The following DRC11 variants were observed in gnomAD, a reference collection of about 807,000 sequenced individuals.
The protein encoded by DRC11 is dynein regulatory complex subunit 11.
chr2:236,406,325 A>T, the DRC11 span, among the ~76,000 whole-genome samples: 1 of 152,196 alleles, frequency 6.6e-6, no homozygotes, highest in Admixed American at 6.5e-5. This position sits in a 1 kb window ranked among gnomAD's most constrained non-coding sequence, Gnocchi z 4.7. Flanking sequence ...ATTCAAATGC[A>T]TGGAGGTTTT....
At chr2:236,483,896 A>G in the DRC11 span, among the ~76,000 whole-genome samples, 22 of 152,344 alleles carry the variant, frequency 1.4e-4, no homozygotes, top group Middle Eastern at 3.4e-3. This position sits in a 1 kb window ranked among gnomAD's most constrained non-coding sequence, Gnocchi z 4.8. Flanking sequence ...AGAAAACTGA[A>G]TATTTATACA....
the DRC11 span, among the ~76,000 whole-genome samples, chr2:236,339,041 T>A: frequency 6.6e-6 from 1 of 152,102 alleles, no homozygotes; most frequent in Non-Finnish European, 1.5e-5. Flanking sequence ...TCGCCCCCAG[T>A]GCAGACAGCA....
the DRC11 span, among the ~76,000 whole-genome samples, chr2:236,321,753 G>A: frequency 6.6e-6 from 1 of 152,160 alleles, no homozygotes; most frequent in Non-Finnish European, 1.5e-5. Context: ...TCCCTTTCTA[G>A]CCTCATGCAT....
chr2:236,325,935 C>T, the DRC11 span, among the ~76,000 whole-genome samples: 6 of 152,322 alleles, frequency 3.9e-5, 1 homozygote, highest in Admixed American at 2.0e-4. The surrounding 1 kb of genome is among the most constrained non-coding windows in gnomAD (Gnocchi z 4.4). Flanking sequence ...TTTCTCCTGT[C>T]TCTTGTATGC....
chr2:236,491,202 A>ATACAG, the DRC11 span, among the ~76,000 whole-genome samples: 9 of 59,718 alleles, frequency 1.5e-4, no homozygotes, highest in African/African-American at 7.7e-5. Flanking sequence ...ATATATATAT[A>ATACAG]TATATATATA....
the DRC11 span, among the ~76,000 whole-genome samples, chr2:236,437,294 G>A: frequency 7.3e-6 from 1 of 137,010 alleles, no homozygotes; most frequent in African/African-American, 2.8e-5. Context: ...TGGCTGCATA[G>A]TATTCCATGG....
the DRC11 span, chr2:236,441,116 G>T: frequency 6.4e-7 from 1 of 1,556,044 alleles, no homozygotes; most frequent in Non-Finnish European, 8.7e-7. Context: ...AAATGTCCCG[G>T]TTAAATTTCT....
At chr2:236,441,912 A>G in the DRC11 span, among the ~76,000 whole-genome samples, 20 of 152,146 alleles carry the variant, frequency 1.3e-4, no homozygotes, top group Non-Finnish European at 2.8e-4. Flanking sequence ...TTGCTAGATG[A>G]CTTACAGCTA....
chr2:236,322,062 A>G, the DRC11 span, among the ~76,000 whole-genome samples: 50 of 152,274 alleles, frequency 3.3e-4, 2 homozygotes, highest in South Asian at 0.01. Context: ...AAAAAGACAC[A>G]GAAACATTCC....
chr2:236,318,776 A>T, the DRC11 span, among the ~76,000 whole-genome samples: 1 of 152,154 alleles, frequency 6.6e-6, no homozygotes, highest in East Asian at 1.9e-4. The surrounding 1 kb of genome is among the most constrained non-coding windows in gnomAD (Gnocchi z 7.0). Flanking sequence ...GTGCCGCCAG[A>T]TTGACCCAAG....
the DRC11 span, chr2:236,497,048 A>G: frequency 1.2e-6 from 1 of 829,460 alleles, no homozygotes; most frequent in Non-Finnish European, 1.9e-6. The surrounding 1 kb of genome is among the most constrained non-coding windows in gnomAD (Gnocchi z 5.1). Context: ...GATTTTCCGT[A>G]CACCAACTAG....
At chr2:236,387,521 C>A in the DRC11 span, among the ~76,000 whole-genome samples, 1 of 151,942 alleles carries the variant, frequency 6.6e-6, no homozygotes, top group Admixed American at 6.6e-5. Context: ...CTTGGTAGAT[C>A]TTCCTCCATC....
chr2:236,462,197 C>T, the DRC11 span, among the ~76,000 whole-genome samples: 1 of 152,082 alleles, frequency 6.6e-6, no homozygotes, highest in Non-Finnish European at 1.5e-5. This position sits in a 1 kb window ranked among gnomAD's most constrained non-coding sequence, Gnocchi z 6.4. Context: ...GAGACCTGGG[C>T]CTGGTACCAC....
the DRC11 span, among the ~76,000 whole-genome samples, chr2:236,495,936 C>T: frequency 6.6e-6 from 1 of 152,130 alleles, no homozygotes. This position sits in a 1 kb window ranked among gnomAD's most constrained non-coding sequence, Gnocchi z 5.6. Context: ...AGCAGAGGGG[C>T]CTGGCTGATG....
chr2:236,495,952 G>GCC, the DRC11 span, among the ~76,000 whole-genome samples: 1 of 152,158 alleles, frequency 6.6e-6, no homozygotes, highest in African/African-American at 2.4e-5. The surrounding 1 kb of genome is among the most constrained non-coding windows in gnomAD (Gnocchi z 5.6). Context: ...TGATGCAGCA[G>GCC]GAAAGGCAAG....
At chr2:236,482,452 G>A in the DRC11 span, among the ~76,000 whole-genome samples, 1 of 152,170 alleles carries the variant, frequency 6.6e-6, no homozygotes, top group Non-Finnish European at 1.5e-5. The surrounding 1 kb of genome is among the most constrained non-coding windows in gnomAD (Gnocchi z 4.5). Context: ...ACTATCCTGT[G>A]GCAACTTGCC....
At chr2:236,472,760 A>T in the DRC11 span, among the ~76,000 whole-genome samples, 1 of 152,184 alleles carries the variant, frequency 6.6e-6, no homozygotes, top group Admixed American at 6.5e-5. The surrounding 1 kb of genome is among the most constrained non-coding windows in gnomAD (Gnocchi z 4.6). Flanking sequence ...CCTACAGAAG[A>T]AGAAACTGAG....
the DRC11 span, among the ~76,000 whole-genome samples, chr2:236,471,161 G>A: frequency 2.6e-5 from 4 of 152,134 alleles, no homozygotes; most frequent in Admixed American, 2.6e-4. This position sits in a 1 kb window ranked among gnomAD's most constrained non-coding sequence, Gnocchi z 4.6. Flanking sequence ...CAGAAGTCAA[G>A]GAACTTGTCC....
chr2:236,344,806 T>G, the DRC11 span, among the ~76,000 whole-genome samples: 4 of 147,018 alleles, frequency 2.7e-5, no homozygotes, highest in African/African-American at 1.0e-4. Context: ...TGCTTCCCTC[T>G]GGGGTGTGCA....
Sources: gnomAD v4.1 joint callset for allele counts (sites outside exome capture counted in the v4.1 genomes callset) on GRCh38, gnomAD v4.1.1 for gene constraint, Gnocchi (gnomAD v3.1) non-coding constraint, MANE v1.5 for transcripts, NCBI Gene and HGNC (gene_info 2026-07-23, HGNC 2026-07-21) for gene names.